The following NRXN3 variants were observed in gnomAD, a reference collection of about 807,000 sequenced individuals.
The protein encoded by NRXN3 is neurexin III.
In NRXN3, 32 loss-of-function variants were observed where a neutral mutation model predicts 137.6. The ratio of observed to expected loss-of-function variants is 0.23; its 90% CI spans 0.18 to 0.31. The LOEUF is 0.31. Among genes scored for constraint, NRXN3 ranks in the 10% least tolerant of loss-of-function variants. The pLI, the probability that NRXN3 is intolerant of heterozygous loss-of-function variation, is 1.00. For missense variants in NRXN3, 1,574 were observed against 2,062.5 expected, an observed-to-expected ratio of 0.76 and a Z score of 4.59; for synonymous variants, 798 against 784.5, an observed-to-expected ratio of 1.02 and a Z score of -0.29.
At chr14:78,963,185 A>G (rs921384020) in intron 11 of NRXN3, among the ~76,000 whole-genome samples, 5 of 151,974 alleles carry the variant, frequency 3.3e-5, no homozygotes, top group African/African-American at 1.2e-4. Flanking sequence ...TTTGCTATGA[A>G]AAATTAATTT....
intron 7 of NRXN3, among the ~76,000 whole-genome samples, chr14:78,710,481 G>A (rs532162587): frequency 6.6e-6 from 1 of 152,120 alleles, no homozygotes; most frequent in Non-Finnish European, 1.5e-5. Flanking sequence ...ATCAGAAAGG[G>A]CATTTTCCCA....
rs368567195 is a variant in NRXN3 at position 79,517,093 on chromosome 14, C to CT, written c.3444+49691_3444+49692insT. On this transcript the variant is annotated intron_variant, in intron 16 of 20. Coordinates refer to ENST00000335750, the MANE Select transcript of NRXN3 (RefSeq NM_001330195.2). ...TGAGAAGTATTACACAAATGTACAGCCCCCCCCCCCTCAACGAATGGGAGC... is the reference window on the plus strand; with the variant it reads ...TGAGAAGTATTACACAAATGTACAGCTCCCCCCCCCCTCAACGAATGGGAGC... 2.0e-3 allele frequency among the ~76,000 whole-genome samples: 47 copies of CT among 23,350 alleles called. No homozygotes were observed. In the Admixed American group the frequency reaches 0.031, roughly 15 times the overall value. The allele number at this position is 23,350 out of a possible 152,430, so 15.3% of individuals were successfully genotyped here.
At chr14:78,942,128 A>G (rs552706164) in intron 10 of NRXN3, among the ~76,000 whole-genome samples, 1 of 152,356 alleles carries the variant, frequency 6.6e-6, no homozygotes, top group Admixed American at 6.5e-5. Flanking sequence ...TCTGGAGCCA[A>G]CATAAGAAGA....
intron 15 of NRXN3, among the ~76,000 whole-genome samples, chr14:79,336,904 C>G (rs2092300320): frequency 6.6e-6 from 1 of 152,126 alleles, no homozygotes; most frequent in African/African-American, 2.4e-5. Context: ...ATAAAATACA[C>G]CCTGAGTATA....
rs570184342 is a variant in NRXN3, at chr14:79,270,054, A to G, written c.3263-197167A>G. 3.3e-5 allele frequency among the ~76,000 whole-genome samples: 5 copies of G among 152,354 alleles called. No homozygotes were observed. The East Asian group carries it at 9.6e-4, about 29-fold the overall frequency. On this transcript the variant is annotated intron_variant, in intron 15 of 20. Transcript: ENST00000335750. ...ATAAGGCCAGGGATGACATTTAAGT[A>G]AATTCAGAAGTAAAAAGCAAATGGA...
chr14:78,896,943 G>A (rs1246277297), intron 10 of NRXN3, among the ~76,000 whole-genome samples: 1 of 151,830 alleles, frequency 6.6e-6, no homozygotes, highest in Non-Finnish European at 1.5e-5. Flanking sequence ...TCATGGCTTT[G>A]AGCAGAGTTT....
At chr14:78,837,921 C>G (rs900053394) in intron 10 of NRXN3, among the ~76,000 whole-genome samples, 1 of 152,206 alleles carries the variant, frequency 6.6e-6, no homozygotes, top group African/African-American at 2.4e-5. Context: ...GGAACCTCAG[C>G]ATGAATCTAT....
At chr14:79,621,166 A>G (rs2098219794) in intron 16 of NRXN3, among the ~76,000 whole-genome samples, 1 of 152,180 alleles carries the variant, frequency 6.6e-6, no homozygotes, top group South Asian at 2.1e-4. Flanking sequence ...AACTGAAATG[A>G]TGACTATTAA....
intron 6 of NRXN3, among the ~76,000 whole-genome samples, chr14:78,658,419 A>G (rs146233577): frequency 7.2e-5 from 11 of 152,352 alleles, no homozygotes; most frequent in African/African-American, 2.6e-4. Flanking sequence ...ACAAAACACT[A>G]TACAAAGGTT....
intron 15 of NRXN3, among the ~76,000 whole-genome samples, chr14:79,193,548 C>A (rs754091385): frequency 6.6e-6 from 1 of 152,150 alleles, no homozygotes; most frequent in Non-Finnish European, 1.5e-5. Context: ...ATTTTGCAAA[C>A]CTTAACCGAT....
intron 15 of NRXN3, among the ~76,000 whole-genome samples, chr14:79,315,908 G>A (rs2088532108): frequency 6.6e-6 from 1 of 152,176 alleles, no homozygotes; most frequent in Non-Finnish European, 1.5e-5. Flanking sequence ...AGAAAGCAGA[G>A]CGAGATATGG....
chr14:79,698,770 G>C (rs985595358), intron 19 of NRXN3, among the ~76,000 whole-genome samples: 5 of 151,958 alleles, frequency 3.3e-5, no homozygotes, highest in Admixed American at 2.6e-4. Flanking sequence ...CCCTATCCTA[G>C]TTAGTGTTTA....
intron 16 of NRXN3, among the ~76,000 whole-genome samples, chr14:79,592,591 T>C (rs2097817346): frequency 6.6e-6 from 1 of 152,208 alleles, no homozygotes; most frequent in Non-Finnish European, 1.5e-5. Flanking sequence ...TTTCTACTGA[T>C]AGTTAAGATC....
intron 3 of NRXN3, chr14:78,282,417 G>T: frequency 3.4e-6 from 1 of 289,870 alleles, no homozygotes; most frequent in Non-Finnish European, 7.0e-6. Context: ...GCTGTTTATG[G>T]TGCTCCAATG....
chr14:79,342,928 G>A (rs1209458798), intron 15 of NRXN3, among the ~76,000 whole-genome samples: 1 of 152,114 alleles, frequency 6.6e-6, no homozygotes, highest in African/African-American at 2.4e-5. Context: ...TGAGCATTTG[G>A]GGATCAGAGT....
rs773589316 is a variant in NRXN3, at chr14:78,709,583, G to T, written c.1588G>T (p.Val530Leu). The change falls in exon 7 of 21, where the codon GTG becomes TTG. Residue 530 changes from valine to leucine, a missense_variant. By Grantham distance (32) the Val-to-Leu change is conservative. This residue lies in a region of NRXN3 where 718 missense variants were observed against 887.6 expected (regional missense o/e 0.81). Coordinates refer to ENST00000335750, the MANE Select transcript of NRXN3 (RefSeq NM_001330195.2). Reference protein sequence around the residue: ...LLDMGSGTIKVKATQKKANDG... With the variant: ...LLDMGSGTIKLKATQKKANDG... ...TGACATGGGCTCTGGCACCATCAAA[G>T]TGAAAGCCACTCAGAAGAAAGCCAA... 1 of 1,614,074 alleles carries T rather than the reference G, an allele frequency of 6.2e-7. No individual in the cohort carries two copies. The highest frequency in any genetic ancestry group is 1.1e-5 in the South Asian group (1 of 91,072).
At position 79,502,595 on chromosome 14, in the gene NRXN3, G is replaced by A. The variant is rs149377194; in HGVS notation, c.3444+35193G>A. ...TCTTCAGTATCTAATGTAAACCCAG[G>A]CTTTCTTTATGTTCTGTGCAGTTGG... On this transcript the variant is annotated intron_variant, in intron 16 of 20. Transcript: ENST00000335750. Among the ~76,000 whole-genome samples, 415 of 151,214 alleles carry A rather than the reference G, an allele frequency of 2.7e-3. 3 individuals carry two copies. Among genetic ancestry groups the A allele is most frequent in the African/African-American group, 9.6e-3 (395 of 41,118 alleles).
At chr14:79,550,392 C>G (rs983047927) in intron 16 of NRXN3, among the ~76,000 whole-genome samples, 1 of 152,168 alleles carries the variant, frequency 6.6e-6, no homozygotes, top group African/African-American at 2.4e-5. Context: ...TGTTCCTGTT[C>G]CCTTTCCTCT....
chr14:78,967,184 G>GTTTTTTTTTTTTTTTTTTTTTTTTTTTT, intron 12 of NRXN3, 24 bp from the exon 13 acceptor site: 2 of 1,421,226 alleles, frequency 1.4e-6, no homozygotes, highest in Non-Finnish European at 9.6e-7. Context: ...TCCAATTATT[G>GTTTTTTTTTTTTTTTTTTTTTTTTTTTT]TTTTTTTTTT....
Sources: allele counts gnomAD v4.1 joint callset (sites outside exome capture counted in the v4.1 genomes callset), GRCh38; gene constraint gnomAD v4.1.1; regional missense constraint gnomAD v4.1.1; transcripts MANE v1.5; gene names NCBI Gene and HGNC (gene_info 2026-07-23, HGNC 2026-07-21).